The following CDC14A variants were observed in gnomAD, a reference collection of about 807,000 sequenced individuals.
CDC14A encodes the protein dual specificity protein phosphatase CDC14A.
CDC14A carries 53 observed loss-of-function variants against 74.4 expected under a neutral mutation model. That is an observed-to-expected ratio of 0.71 (90% CI 0.57 to 0.89). CDC14A has a LOEUF of 0.89. Ranked by LOEUF, CDC14A falls within the 40% of genes least tolerant of loss-of-function variation. The pLI is 0.00. For missense variants in CDC14A, 646 were observed against 713.7 expected (o/e 0.91, Z 1.08); for synonymous variants, 247 against 258.4 (o/e 0.96, Z 0.43).
chr1:100,506,199 T>G (rs1649222526), intron 15 of CDC14A, among the ~76,000 whole-genome samples: 1 of 152,208 alleles, frequency 6.6e-6, no homozygotes, highest in Admixed American at 6.5e-5. Context: ...TGTTAAATAT[T>G]AACTAGGTGT....
intron 5 of CDC14A, among the ~76,000 whole-genome samples, chr1:100,437,730 C>T (rs1337145395): frequency 1.3e-5 from 2 of 152,118 alleles, no homozygotes; most frequent in Non-Finnish European, 2.9e-5. Flanking sequence ...ATGGAAGCCT[C>T]ACCATACTTT....
intron 4 of CDC14A, among the ~76,000 whole-genome samples, chr1:100,399,329 T>C (rs895153247): frequency 2.6e-5 from 4 of 152,174 alleles, no homozygotes; most frequent in African/African-American, 9.7e-5. Context: ...CACATCTCTT[T>C]CTATATTATA....
At chr1:100,425,836 G>T (rs767490163) in intron 5 of CDC14A, among the ~76,000 whole-genome samples, 3 of 152,078 alleles carry the variant, frequency 2.0e-5, no homozygotes, top group Admixed American at 6.5e-5. Context: ...TAATAATGCT[G>T]ATAATTCTAA....
intron 4 of CDC14A, among the ~76,000 whole-genome samples, chr1:100,403,747 G>A (rs1369748958): frequency 6.6e-6 from 1 of 152,168 alleles, no homozygotes; most frequent in Non-Finnish European, 1.5e-5. Flanking sequence ...CAACCAAAAT[G>A]TGCATTGATT....
At chr1:100,462,567 C>T (rs182113768) in intron 8 of CDC14A, 84 bp from the exon 9 acceptor site, 4 of 1,040,924 alleles carry the variant, frequency 3.8e-6, no homozygotes, top group South Asian at 2.8e-5. Context: ...GAGATTTATA[C>T]ACTTCATTGT....
rs200360726 is a variant in CDC14A at position 100,498,154 on chromosome 1, A to G, written c.1368A>G (p.Ala456=). The G allele has an allele frequency of 1.2e-6, 2 of 1,614,130 alleles. No homozygotes were observed. Among genetic ancestry groups the G allele is most frequent in the East Asian group, 2.2e-5 (1 of 44,892 alleles). ...KTSKMALSPS[A]TAKRINRTSL... The stretch of plus-strand genomic sequence containing the variant: ...CAAAAATGGCACTGTCCCCTTCAGC[A>G]ACGGCCAAGAGGATCAACAGAACTT... The change falls in exon 14 of 16, where the codon GCA becomes GCG. Residue 456 remains alanine (A), a synonymous_variant. Transcript: ENST00000336454.
intron 13 of CDC14A, among the ~76,000 whole-genome samples, chr1:100,497,416 T>A (rs1446512184): frequency 6.6e-6 from 1 of 152,148 alleles, no homozygotes; most frequent in East Asian, 1.9e-4. Flanking sequence ...TGTCCAGATT[T>A]TGGAGGGGCT....
In CDC14A at chr1:100,518,265, A is replaced by G. The variant is rs1650406842; in HGVS notation, c.1770A>G (p.Glu590=). The change falls in exon 16 of 16, where the codon GAA becomes GAG. Residue 590 remains glutamate, a synonymous_variant. Coordinates refer to ENST00000336454, the MANE Select transcript of CDC14A (RefSeq NM_003672.4). The stretch of plus-strand genomic sequence containing the variant: ...TCCCTGCACAGTCCCTTCAGTCTGA[A>G]TATGTTCATTACTAAGGCCTTGCCA... ...LSRSIPSLQS[E]YVHY is the part of the protein sequence containing the mutation. 6.2e-7 allele frequency: 1 copy of G among 1,611,614 alleles called. No homozygotes were observed. Among genetic ancestry groups the G allele is most frequent in the Non-Finnish European group, 8.5e-7 (1 of 1,178,140 alleles).
intron 15 of CDC14A, among the ~76,000 whole-genome samples, chr1:100,516,714 C>A (rs1405013237): frequency 6.6e-6 from 1 of 151,958 alleles, no homozygotes; most frequent in Admixed American, 6.6e-5. Flanking sequence ...AGCTGGCGTC[C>A]CTCAAGTGGA....
chr1:100,402,021 AG>A (rs1659328160), intron 4 of CDC14A, among the ~76,000 whole-genome samples: 1 of 151,986 alleles, frequency 6.6e-6, no homozygotes, highest in Admixed American at 6.6e-5. Flanking sequence ...CTGGGCAACA[AG>A]AGCAGAACTC....
chr1:100,485,300 T>G, intron 11 of CDC14A: 3 of 985,176 alleles, frequency 3.0e-6, no homozygotes, highest in Non-Finnish European at 2.4e-6. Flanking sequence ...ATTCCTAGTT[T>G]AGGTCTTTCT....
intron 1 of CDC14A, 21 bp downstream of exon 1, chr1:100,353,024 A>G (rs1280768089): frequency 1.9e-6 from 3 of 1,613,318 alleles, no homozygotes; most frequent in South Asian, 1.1e-5. Context: ...GCCGCCCCGC[A>G]TCTTCCAACG....
chr1:100,439,921 T>G lies in CDC14A; in HGVS notation c.390-11T>G. 1 of 1,598,992 alleles carries G rather than the reference T, an allele frequency of 6.3e-7. No individual in the cohort carries two copies. Among genetic ancestry groups the G allele is most frequent in the East Asian group, 2.2e-5 (1 of 44,796 alleles). On this transcript the variant is annotated splice_polypyrimidine_tract_variant and intron_variant, in intron 5 of 15. Coordinates refer to ENST00000336454, the MANE Select transcript of CDC14A (RefSeq NM_003672.4). The stretch of plus-strand genomic sequence containing the variant: ...GCAAGTTTTTAATGTTGAGTTTATT[T>G]ATGTTTATAGGGATGCTTCCTTTGG...
intron 4 of CDC14A, chr1:100,393,606 A>C: frequency 1.5e-6 from 1 of 682,060 alleles, no homozygotes; most frequent in Admixed American, 1.8e-5. Flanking sequence ...CTCCACCAGC[A>C]CTGCAGCTGC....
At chr1:100,467,896 T>C (rs1668003970) in intron 9 of CDC14A, 60 bp from the exon 10 acceptor site, 33 of 1,478,750 alleles carry the variant, frequency 2.2e-5, no homozygotes, top group Non-Finnish European at 2.9e-5. Context: ...TTGATTTCAG[T>C]GTTTTTGTGG....
At chr1:100,451,180 C>A (rs2101162467) in intron 7 of CDC14A, among the ~76,000 whole-genome samples, 1 of 152,176 alleles carries the variant, frequency 6.6e-6, no homozygotes, top group African/African-American at 2.4e-5. Flanking sequence ...GTGCTGCTGA[C>A]TCCAAATCAT....
intron 3 of CDC14A, among the ~76,000 whole-genome samples, chr1:100,381,266 C>T (rs552643708): frequency 6.6e-6 from 1 of 152,266 alleles, no homozygotes; most frequent in East Asian, 1.9e-4. Context: ...GATTTCTTAA[C>T]CCTTTGTTAT....
intron 2 of CDC14A, among the ~76,000 whole-genome samples, chr1:100,364,492 G>GT (rs146897901): frequency 0.23 from 34,696 of 152,008 alleles, 5,311 homozygotes; most frequent in African/African-American, 0.44. Context: ...GATTACAGGC[G>GT]GAGCCGTTGC....
intron 6 of CDC14A, among the ~76,000 whole-genome samples, chr1:100,441,617 T>C (rs1664937350): frequency 6.6e-6 from 1 of 152,148 alleles, no homozygotes; most frequent in Non-Finnish European, 1.5e-5. Flanking sequence ...TTTCTCACTT[T>C]TTTGTCTGGA....
Sources: gnomAD v4.1 joint callset for allele counts (sites outside exome capture counted in the v4.1 genomes callset) on GRCh38, gnomAD v4.1.1 for gene constraint, MANE v1.5 for transcripts, NCBI Gene and HGNC (gene_info 2026-07-23, HGNC 2026-07-21) for gene names.